ITGAV: variants seen among roughly 807,000 people sequenced by gnomAD.
ITGAV encodes the protein integrin subunit alpha V, also known as integrin alpha-V.
ITGAV carries 76 observed loss-of-function variants against 143.8 expected under a neutral mutation model. The ratio of observed to expected loss-of-function variants is 0.53; its 90% CI spans 0.44 to 0.64. ITGAV has a LOEUF of 0.64. ITGAV is among the 30% of genes least tolerant of loss of function. ITGAV has a pLI of 0.00. For missense variants in ITGAV, 1,193 were observed against 1,274.7 expected, an observed-to-expected ratio of 0.94 and a Z score of 0.98; for synonymous variants, 453 against 446.7, an observed-to-expected ratio of 1.01 and a Z score of -0.18.
At chr2:186,649,455 T>TAC (rs1029815853) in intron 13 of ITGAV, among the ~76,000 whole-genome samples, 2 of 151,676 alleles carry the variant, frequency 1.3e-5, no homozygotes, top group Admixed American at 6.6e-5. Context: ...TTTATATATA[T>TAC]ACACACACAC....
At chr2:186,612,994 C>T (rs1687257303) in intron 2 of ITGAV, among the ~76,000 whole-genome samples, 1 of 152,104 alleles carries the variant, frequency 6.6e-6, no homozygotes, top group Non-Finnish European at 1.5e-5. Flanking sequence ...AATTCCTTTA[C>T]TACTAACTGA....
At chr2:186,669,616 C>T in intron 25 of ITGAV, 85 bp from the exon 26 acceptor site, 2 of 864,130 alleles carry the variant, frequency 2.3e-6, no homozygotes, top group African/African-American at 1.7e-5. Flanking sequence ...ATTTTTTAAT[C>T]ATATCTAAGA....
intron 26 of ITGAV, among the ~76,000 whole-genome samples, chr2:186,673,946 C>T (rs1689136176): frequency 6.6e-6 from 1 of 152,080 alleles, no homozygotes; most frequent in Non-Finnish European, 1.5e-5. Flanking sequence ...TCTAGAATTA[C>T]AAATGTGAGC....
chr2:186,663,505 A>T (rs1688804625), intron 18 of ITGAV, among the ~76,000 whole-genome samples: 1 of 152,182 alleles, frequency 6.6e-6, no homozygotes, highest in Admixed American at 6.5e-5. Context: ...TTAATCTGAG[A>T]TAAAACTGAA....
At chr2:186,630,716 T>C (rs1687793881) in intron 4 of ITGAV, 81 bp from the exon 5 acceptor site, 1 of 763,552 alleles carries the variant, frequency 1.3e-6, no homozygotes, top group South Asian at 1.7e-5. Flanking sequence ...CTTATGATTC[T>C]AGTGATATCA....
Position 186,630,185 on chromosome 2 carries a change from A to G in ITGAV, c.524-612A>G, listed in dbSNP as rs551730809. On this transcript the variant is annotated intron_variant, in intron 4 of 29. Transcript: ENST00000261023. ...GTTATTCATCTCTGTTGTTGGCTCT[A>G]TAATGTATGTATCTGTTTGCTGCTA... Among the ~76,000 whole-genome samples, 9 of 152,160 alleles carry G rather than the reference A, an allele frequency of 5.9e-5. No individual in the cohort carries two copies. In the South Asian group the frequency reaches 8.3e-4, roughly 14 times the overall value.
In ITGAV at chr2:186,667,737, TGAA is replaced by T. The variant is rs780345771; in HGVS notation, c.2400_2402del (p.Glu800del). The T allele has an allele frequency of 9.9e-6, 16 of 1,610,888 alleles. No homozygotes were observed. The highest frequency in any genetic ancestry group is 1.3e-5 in the Non-Finnish European group (15 of 1,177,916). The stretch of plus-strand genomic sequence containing the variant: ...GGGAGCACAAGGAGAACCCTGAGAC[TGAA>T]GAAGATGTTGGGCCAGTTGTTCAGC... On this transcript the variant is annotated inframe_deletion, in exon 24 of 30. Transcript: ENST00000261023.
chr2:186,599,073 G>A (rs915937332), intron 1 of ITGAV, among the ~76,000 whole-genome samples: 20 of 152,084 alleles, frequency 1.3e-4, no homozygotes, highest in African/African-American at 4.3e-4. Context: ...ATGTACATTC[G>A]TTCTAATTTC....
At chr2:186,658,826 A>C (rs1559063500) in intron 17 of ITGAV, among the ~76,000 whole-genome samples, 1 of 152,174 alleles carries the variant, frequency 6.6e-6, no homozygotes. Flanking sequence ...CAAATAGTAC[A>C]TTGTAAAACA....
At chr2:186,667,371 A>G in intron 23 of ITGAV, 141 bp downstream of exon 23, 1 of 626,210 alleles carries the variant, frequency 1.6e-6, no homozygotes, top group Admixed American at 3.2e-5. Context: ...GTAGAAATAA[A>G]ATCCTAGGTA....
At position 186,654,657 on chromosome 2, in the gene ITGAV, G is replaced by T; in HGVS notation, c.1513G>T (p.Val505Phe). Reference sequence around the variant, plus strand: ...TTTTTTATTTTTCCACAGTTTTAATGTTAGGTTCTGCTTAAAGGCAGATGG... The same window carrying T: ...TTTTTTATTTTTCCACAGTTTTAATTTTAGGTTCTGCTTAAAGGCAGATGG... Reference protein sequence around the residue: ...GTALKVSCFNVRFCLKADGKG... With the variant: ...GTALKVSCFNFRFCLKADGKG... Residue 505 changes from valine to phenylalanine, a missense_variant, in exon 16 of 30, where the codon GTT (valine) becomes TTT (phenylalanine). Coordinates refer to ENST00000261023, the MANE Select transcript of ITGAV (RefSeq NM_002210.5). The T allele has an allele frequency of 6.6e-7, 1 of 1,526,682 alleles. No individual in the cohort carries two copies. 94.6% of individuals were successfully genotyped at this position (1,526,682 alleles called of 1,614,324 possible). A position where few individuals can be genotyped will look rare whatever the true frequency, so the allele number is the denominator to read the frequency against.
At chr2:186,652,219 T>C (rs1688454698) in intron 15 of ITGAV, 130 bp downstream of exon 15, 1 of 638,254 alleles carries the variant, frequency 1.6e-6, no homozygotes, top group Non-Finnish European at 2.8e-6. Flanking sequence ...GTTTTTTCTA[T>C]TCTTTTTTTA....
Position 186,656,234 on chromosome 2 carries a change from T to C in ITGAV, c.1565-13T>C, listed in dbSNP as rs773733971. ...AAAGAATATGTTGGTTATAAATCCTTTGGTTTACATAGATTTCCAGGTGGA... is the reference window on the plus strand; with the variant it reads ...AAAGAATATGTTGGTTATAAATCCTCTGGTTTACATAGATTTCCAGGTGGA... On this transcript the variant is annotated splice_polypyrimidine_tract_variant and intron_variant, in intron 16 of 29. Transcript: ENST00000261023. 5 of 1,572,742 alleles carry C rather than the reference T, an allele frequency of 3.2e-6. No homozygotes were observed. The highest frequency in any genetic ancestry group is 4.3e-6 in the Non-Finnish European group (5 of 1,164,868).
chr2:186,627,829 A>G (rs1287184598), intron 4 of ITGAV, among the ~76,000 whole-genome samples: 3 of 152,182 alleles, frequency 2.0e-5, no homozygotes, highest in Non-Finnish European at 2.9e-5. Context: ...ATCTTAGGAA[A>G]AGCTTAAAGA....
rs146319338 is a variant in ITGAV, at chr2:186,675,682, G to A, written c.2785G>A (p.Val929Ile). 5.5e-5 allele frequency: 88 copies of A among 1,613,782 alleles called. No individual in the cohort carries two copies. The highest frequency in any genetic ancestry group is 5.2e-4 in the African/African-American group (39 of 75,022). Reference protein sequence around the residue: ...LDRGKSAILYVKSLLWTETFM... With the variant: ...LDRGKSAILYIKSLLWTETFM... Reference sequence around the variant, plus strand: ...CAGAGGAAAGAGTGCAATCTTGTACGTAAAGTCATTACTGTGGACTGAGAC... The same window carrying A: ...CAGAGGAAAGAGTGCAATCTTGTACATAAAGTCATTACTGTGGACTGAGAC... The change falls in exon 27 of 30, where the codon GTA becomes ATA. Residue 929 changes from valine to isoleucine, a missense_variant. Physicochemically the swap from Val to Ile is conservative, Grantham distance 29. Coordinates refer to ENST00000261023, the MANE Select transcript of ITGAV (RefSeq NM_002210.5).
chr2:186,631,822 C>T (rs1323080625), intron 5 of ITGAV, among the ~76,000 whole-genome samples: 1 of 152,076 alleles, frequency 6.6e-6, no homozygotes, highest in Non-Finnish European at 1.5e-5. Context: ...CACTGTAGCC[C>T]AGGAGACCAG....
At chr2:186,600,340 C>G (rs1170585702) in intron 1 of ITGAV, 2 of 1,522,706 alleles carry the variant, frequency 1.3e-6, no homozygotes, top group South Asian at 1.2e-5. Context: ...CACAAATGCT[C>G]CTAGGCACCC....
chr2:186,628,871 G>A lies in ITGAV; in HGVS notation c.524-1926G>A, dbSNP rs146077742. Among the ~76,000 whole-genome samples the A allele has an allele frequency of 3.9e-5, 6 of 152,158 alleles. No individual in the cohort carries two copies. In the East Asian group the frequency reaches 1.2e-3, roughly 30 times the overall value. On this transcript the variant is annotated intron_variant, in intron 4 of 29. Transcript: ENST00000261023. ...TTGATTTGAAACAGTACAGTGTAGT[G>A]TTATAGACACACCTGGGTTCAGGTC...
chr2:186,647,028 G>A (rs1688282401), intron 13 of ITGAV, 151 bp downstream of exon 13: 5 of 583,492 alleles, frequency 8.6e-6, no homozygotes, highest in South Asian at 3.2e-5. Flanking sequence ...CATCATTCCC[G>A]TCACCTAAGG....
Sources: allele counts gnomAD v4.1 joint callset (sites outside exome capture counted in the v4.1 genomes callset), GRCh38; gene constraint gnomAD v4.1.1; transcripts MANE v1.5; gene names NCBI Gene and HGNC (gene_info 2026-07-23, HGNC 2026-07-21).